The following PTPRZ1 variants were observed in gnomAD, a reference collection of about 807,000 sequenced individuals.
PTPRZ1 encodes receptor-type tyrosine-protein phosphatase zeta.
A neutral mutation model predicts 214.1 loss-of-function variants in PTPRZ1; 82 were observed. The ratio of observed to expected loss-of-function variants is 0.38; its 90% CI spans 0.32 to 0.46. The LOEUF (loss-of-function observed/expected upper bound fraction) is 0.46, where lower values mean the gene tolerates loss of function less well. Ranked by LOEUF, PTPRZ1 falls within the 20% of genes least tolerant of loss-of-function variation. The pLI is 1.00. For missense variants in PTPRZ1, 2,603 were observed against 2,748.7 expected, an observed-to-expected ratio of 0.95 and a Z score of 1.19; for synonymous variants, 945 against 987.9, an observed-to-expected ratio of 0.96 and a Z score of 0.81.
Position 122,012,839 on chromosome 7 carries a change from G to T in PTPRZ1, c.3793G>T (p.Ala1265Ser). Residue 1265 changes from alanine to serine, a missense_variant, in exon 12 of 30, where the codon GCA (alanine) becomes TCA (serine). By Grantham distance (99) the Ala-to-Ser change is moderately conservative (BLOSUM62 1). Coordinates refer to ENST00000393386, the MANE Select transcript of PTPRZ1 (RefSeq NM_002851.3). ...ACTTCAAGGTTTGACCATTTCCTAT[G>T]CAAGTGAGAAATATGAACCAGTTTT... ...ASLQGLTISY[A>S]SEKYEPVLLK... The T allele has an allele frequency of 1.2e-6, 2 of 1,613,376 alleles. No individual in the cohort carries two copies. Among genetic ancestry groups the T allele is most frequent in the Non-Finnish European group, 1.7e-6 (2 of 1,179,380 alleles).
chr7:121,926,668 G>C (rs867724113), intron 1 of PTPRZ1, among the ~76,000 whole-genome samples: 16 of 152,276 alleles, frequency 1.1e-4, no homozygotes, highest in African/African-American at 3.8e-4. Context: ...TGGGGTGGCA[G>C]CTAAGGGTAT....
intron 3 of PTPRZ1, 23 bp from the exon 4 acceptor site, chr7:121,972,518 T>C: frequency 6.3e-6 from 10 of 1,582,938 alleles, no homozygotes; most frequent in Non-Finnish European, 7.7e-6. Flanking sequence ...GAAGCTTAGG[T>C]GCAATTGTAT....
At chr7:121,898,097 A>G (rs1047391228) in intron 1 of PTPRZ1, among the ~76,000 whole-genome samples, 4 of 152,180 alleles carry the variant, frequency 2.6e-5, no homozygotes, top group Non-Finnish European at 1.5e-5. Flanking sequence ...ATGATACCTG[A>G]TAATGTATAT....
In PTPRZ1 at chr7:122,011,296, A is replaced by G. The variant is rs1798656228; in HGVS notation, c.2250A>G (p.Gln750=). ...TVNVVYSQTT[Q]PVYNGETPLQ... is the part of the protein sequence containing the mutation. ...ACGTGGTATACTCGCAGACAACCCA[A>G]CCGGTATACAATGGTGAGACACCTC... Residue 750 remains glutamine (Q), a synonymous_variant, in exon 12 of 30, where the codon CAA becomes CAG. Coordinates refer to ENST00000393386, the MANE Select transcript of PTPRZ1 (RefSeq NM_002851.3). 1 of 1,613,928 alleles carries G rather than the reference A, an allele frequency of 6.2e-7. No individual in the cohort carries two copies. The highest frequency in any genetic ancestry group is 1.7e-5 in the Admixed American group (1 of 59,978).
chr7:121,920,615 A>T (rs1432640943), intron 1 of PTPRZ1, among the ~76,000 whole-genome samples: 3 of 152,212 alleles, frequency 2.0e-5, no homozygotes, highest in Non-Finnish European at 4.4e-5. Context: ...TGATTGTAGT[A>T]CAATAACAAT....
intron 2 of PTPRZ1, among the ~76,000 whole-genome samples, chr7:121,933,034 T>G (rs553051707): frequency 5.3e-5 from 8 of 152,062 alleles, no homozygotes; most frequent in African/African-American, 1.9e-4. Flanking sequence ...ATGTCAGCAC[T>G]AAGAATCTGA....
At chr7:121,880,469 C>T (rs1794205174) in intron 1 of PTPRZ1, among the ~76,000 whole-genome samples, 1 of 152,128 alleles carries the variant, frequency 6.6e-6, no homozygotes, top group Non-Finnish European at 1.5e-5. Context: ...GATAAATTTT[C>T]TACTTTTTCA....
At chr7:121,879,647 T>C (rs78362187) in intron 1 of PTPRZ1, among the ~76,000 whole-genome samples, 10,861 of 152,166 alleles carry the variant, frequency 0.071, 1,000 homozygotes, top group African/African-American at 0.22. Context: ...TGAACTGAGT[T>C]GAATTCAAAT....
At chr7:122,015,439 A>G (rs560270217) in intron 12 of PTPRZ1, among the ~76,000 whole-genome samples, 1 of 152,010 alleles carries the variant, frequency 6.6e-6, no homozygotes, top group East Asian at 1.9e-4. Flanking sequence ...TTGATAGAAA[A>G]CTTTTTCTGT....
At chr7:121,939,812 A>ATT (rs201740135) in intron 2 of PTPRZ1, among the ~76,000 whole-genome samples, 1 of 150,644 alleles carries the variant, frequency 6.6e-6, no homozygotes, top group Non-Finnish European at 1.5e-5. Flanking sequence ...ATTAAGCGTG[A>ATT]TTTTTTTTTT....
intron 13 of PTPRZ1, chr7:122,028,146 G>A (rs182427453): frequency 1.1e-3 from 182 of 162,312 alleles, no homozygotes; most frequent in Non-Finnish European, 1.5e-3. Context: ...AATGTTGAGT[G>A]AAAATGGCTT....
intron 22 of PTPRZ1, among the ~76,000 whole-genome samples, chr7:122,043,412 T>C (rs572754202): frequency 6.6e-6 from 1 of 152,160 alleles, no homozygotes; most frequent in Admixed American, 6.6e-5. Flanking sequence ...ATTCATTTTT[T>C]AAAAAAATAT....
Position 122,000,646 on chromosome 7 carries a change from CATAT to C in PTPRZ1, c.1240+2693_1240+2696del, listed in dbSNP as rs60953788. Reference sequence around the variant, plus strand: ...ATTGCTGTCATTCTTTGATAGATTTCATATATATATATATATATATATATATATA... The same window carrying C: ...ATTGCTGTCATTCTTTGATAGATTTCATATATATATATATATATATATATA... On this transcript the variant is annotated intron_variant, in intron 10 of 29. Transcript: ENST00000393386. 5.3e-3 allele frequency among the ~76,000 whole-genome samples: 274 copies of C among 51,476 alleles called. 1 individual carries two copies. Among genetic ancestry groups the C allele is most frequent in the African/African-American group, 0.01 (114 of 11,388 alleles). The allele number at this position is 51,476 out of a possible 152,430, so 33.8% of individuals were successfully genotyped here. A position where few individuals can be genotyped will look rare whatever the true frequency, so the allele number is the denominator to read the frequency against.
intron 1 of PTPRZ1, among the ~76,000 whole-genome samples, chr7:121,926,115 C>A (rs541924277): frequency 6.6e-6 from 1 of 152,122 alleles, no homozygotes; most frequent in South Asian, 2.1e-4. Context: ...CCAGCCTGAC[C>A]AACATAGTGA....
chr7:122,057,968 G>GTGTA, intron 27 of PTPRZ1, among the ~76,000 whole-genome samples: 1 of 35,170 alleles, frequency 2.8e-5, no homozygotes, highest in South Asian at 1.2e-3. Context: ...GTGTGTGTGT[G>GTGTA]TATATATATA....
chr7:122,020,876 C>A (rs1147502), intron 13 of PTPRZ1, among the ~76,000 whole-genome samples: 94,449 of 151,824 alleles, frequency 0.62, 31,386 homozygotes, highest in African/African-American at 0.87. Flanking sequence ...TGCTTTGAAC[C>A]TAATCCATAA....
Position 122,019,327 on chromosome 7 carries a change from T to G in PTPRZ1, c.4988+59T>G, listed in dbSNP as rs972250766. On this transcript the variant is annotated intron_variant, in intron 13 of 29. Transcript: ENST00000393386. ...CATAAAACTCAGATTTTGCCCATAT[T>G]TCATCTGAAAGGTCTTCAAAGCATA... is the stretch of plus-strand genomic sequence containing the variant. 5.6e-5 allele frequency: 85 copies of G among 1,506,730 alleles called. No individual in the cohort carries two copies. In the Middle Eastern group the frequency reaches 8.8e-4, roughly 16 times the overall value. 93.3% of individuals were successfully genotyped at this position (1,506,730 alleles called of 1,614,324 possible).
intron 8 of PTPRZ1, among the ~76,000 whole-genome samples, chr7:121,992,191 A>C (rs1028711599): frequency 5.3e-5 from 8 of 152,186 alleles, no homozygotes; most frequent in Non-Finnish European, 1.0e-4. Flanking sequence ...TATTTTACTC[A>C]GAATACCTGA....
At position 122,011,757 on chromosome 7, in the gene PTPRZ1, T is replaced by A; in HGVS notation, c.2711T>A (p.Met904Lys). 2 of 1,614,178 alleles carry A rather than the reference T, an allele frequency of 1.2e-6. No homozygotes were observed. Among genetic ancestry groups the A allele is most frequent in the African/African-American group, 1.3e-5 (1 of 75,068 alleles). ...TCTGGTGTTCTTTATAAAACGCTTA[T>A]GTTTTCTCAAGTTGAACCACCCAGC... ...SESGVLYKTL[M>K]FSQVEPPSSD... The change falls in exon 12 of 30, where the codon ATG becomes AAG. Residue 904 changes from methionine to lysine, a missense_variant. Coordinates refer to ENST00000393386, the MANE Select transcript of PTPRZ1 (RefSeq NM_002851.3).
Sources: allele counts gnomAD v4.1 joint callset (sites outside exome capture counted in the v4.1 genomes callset), GRCh38; gene constraint gnomAD v4.1.1; transcripts MANE v1.5; gene names NCBI Gene and HGNC (gene_info 2026-07-23, HGNC 2026-07-21).